MICU1: variants seen among roughly 807,000 people sequenced by gnomAD.
MICU1 encodes the protein calcium uptake protein 1, mitochondrial.
Under a neutral mutation model 56.8 loss-of-function variants are expected in MICU1, and 45 were observed. That is an observed-to-expected ratio of 0.79 (90% CI 0.62 to 1.02). The LOEUF is 1.02. Among genes scored for constraint, MICU1 ranks in the 50% least tolerant of loss-of-function variants. The pLI is 0.00. For synonymous variants in MICU1, 186 were observed against 195.1 expected, an observed-to-expected ratio of 0.95 and a Z score of 0.39; for missense variants, 504 against 587.1, an observed-to-expected ratio of 0.86 and a Z score of 1.46.
At chr10:72,482,796 T>C (rs1343500893) in intron 6 of MICU1, among the ~76,000 whole-genome samples, 1 of 150,782 alleles carries the variant, frequency 6.6e-6, no homozygotes, top group Admixed American at 6.6e-5. Context: ...GGGGGTACTT[T>C]AAATGGTCAA....
chr10:72,415,073 T>C (rs1863942198), intron 9 of MICU1, among the ~76,000 whole-genome samples: 1 of 148,620 alleles, frequency 6.7e-6, no homozygotes, highest in Non-Finnish European at 1.5e-5. Context: ...TGGAGTGCAA[T>C]GGAGCAATCT....
At chr10:72,507,178 T>G (rs1275466527) in intron 6 of MICU1, among the ~76,000 whole-genome samples, 1 of 151,660 alleles carries the variant, frequency 6.6e-6, no homozygotes, top group Non-Finnish European at 1.5e-5. Flanking sequence ...AAAAAAAAAT[T>G]GCAAATCACT....
intron 3 of MICU1, among the ~76,000 whole-genome samples, chr10:72,554,544 T>A (rs1840112408): frequency 6.6e-6 from 1 of 152,210 alleles, no homozygotes; most frequent in African/African-American, 2.4e-5. Context: ...CTGTCACTTG[T>A]AGATTAAGAG....
intron 9 of MICU1, among the ~76,000 whole-genome samples, chr10:72,409,003 G>C (rs556308800): frequency 6.6e-5 from 10 of 151,968 alleles, no homozygotes; most frequent in Non-Finnish European, 1.0e-4. Flanking sequence ...ATGATGCATC[G>C]AGAAAAAGTA....
chr10:72,487,469 T>C (rs1212288458), intron 6 of MICU1, among the ~76,000 whole-genome samples: 1 of 152,142 alleles, frequency 6.6e-6, no homozygotes, highest in Non-Finnish European at 1.5e-5. Flanking sequence ...TTTACCAGCG[T>C]GTCCTGACGA....
intron 5 of MICU1, among the ~76,000 whole-genome samples, chr10:72,518,346 T>C (rs940552532): frequency 1.3e-5 from 2 of 152,074 alleles, no homozygotes; most frequent in Non-Finnish European, 2.9e-5. Context: ...TTTTCTTTTT[T>C]AAAAAAATTT....
At chr10:72,590,901 G>A (rs1300968848) in intron 1 of MICU1, among the ~76,000 whole-genome samples, 3 of 147,948 alleles carry the variant, frequency 2.0e-5, no homozygotes, top group African/African-American at 7.4e-5. Flanking sequence ...CAGATACAAT[G>A]GACACCTACA....
At chr10:72,417,156 AAATATATATAGTTGT>A (rs1424638804) in intron 9 of MICU1, among the ~76,000 whole-genome samples, 2 of 152,216 alleles carry the variant, frequency 1.3e-5, no homozygotes, top group Non-Finnish European at 2.9e-5. Context: ...CAGACTTAAG[AAATATATATAGTTGT>A]GCTGGGTGTG....
chr10:72,431,350 G>A (rs1165976379), intron 8 of MICU1, among the ~76,000 whole-genome samples: 1 of 152,062 alleles, frequency 6.6e-6, no homozygotes, highest in East Asian at 1.9e-4. Flanking sequence ...GGCTGGTCTC[G>A]AGCTCCTGGC....
chr10:72,423,134 G>T, intron 9 of MICU1, 100 bp downstream of exon 9: 2 of 1,450,414 alleles, frequency 1.4e-6, no homozygotes, highest in Non-Finnish European at 1.9e-6. Context: ...TGTAATCATT[G>T]GTTCATGAAA....
At chr10:72,387,932 C>T (rs945766487) in intron 10 of MICU1, among the ~76,000 whole-genome samples, 2 of 152,056 alleles carry the variant, frequency 1.3e-5, no homozygotes, top group African/African-American at 2.4e-5. Context: ...ATTTTAATGT[C>T]AACCTAGTAT....
At chr10:72,587,248 G>A (rs1318292173) in intron 1 of MICU1, among the ~76,000 whole-genome samples, 1 of 152,022 alleles carries the variant, frequency 6.6e-6, no homozygotes, top group East Asian at 1.9e-4. Context: ...TGAGGTAAGA[G>A]GATTGCTTGA....
intron 9 of MICU1, among the ~76,000 whole-genome samples, chr10:72,422,908 C>T (rs968604765): frequency 6.8e-6 from 1 of 147,752 alleles, no homozygotes; most frequent in African/African-American, 2.5e-5. Flanking sequence ...TGGGGTTTCA[C>T]CATGTTGGCC....
intron 8 of MICU1, among the ~76,000 whole-genome samples, chr10:72,467,035 G>A (rs1025631219): frequency 6.0e-5 from 9 of 149,360 alleles, no homozygotes; most frequent in African/African-American, 2.2e-4. Flanking sequence ...GTCTCACTCT[G>A]TTGCCCAGGC....
intron 5 of MICU1, among the ~76,000 whole-genome samples, chr10:72,527,503 T>C (rs1447661311): frequency 6.6e-6 from 1 of 152,004 alleles, no homozygotes. Flanking sequence ...GCTGAAACTA[T>C]AGGCATGCAT....
chr10:72,575,853 C>A (rs992977678), intron 1 of MICU1, among the ~76,000 whole-genome samples: 8 of 152,102 alleles, frequency 5.3e-5, no homozygotes, highest in African/African-American at 1.9e-4. Context: ...AACAACCAAC[C>A]TTACAAGGGC....
At chr10:72,516,271 T>A (rs1195057196) in intron 5 of MICU1, among the ~76,000 whole-genome samples, 1 of 152,196 alleles carries the variant, frequency 6.6e-6, no homozygotes, top group East Asian at 1.9e-4. Context: ...GTTCATCTAC[T>A]TTTTGTTGGG....
At chr10:72,387,588 T>C (rs1413509169) in intron 10 of MICU1, among the ~76,000 whole-genome samples, 1 of 152,154 alleles carries the variant, frequency 6.6e-6, no homozygotes, top group African/African-American at 2.4e-5. Context: ...TAATAAAGGC[T>C]TCTGAAGGCA....
At chr10:72,464,178 C>A (rs1865718727) in intron 8 of MICU1, among the ~76,000 whole-genome samples, 1 of 151,796 alleles carries the variant, frequency 6.6e-6, no homozygotes, top group African/African-American at 2.4e-5. Context: ...TGCCTGTAAT[C>A]CCAGCTACTA....
Sources: allele counts gnomAD v4.1 joint callset (sites outside exome capture counted in the v4.1 genomes callset), GRCh38; gene constraint gnomAD v4.1.1; transcripts MANE v1.5; gene names NCBI Gene and HGNC (gene_info 2026-07-23, HGNC 2026-07-21).